Variants in ASAP1 observed in about 807,000 individuals in gnomAD.
The protein encoded by ASAP1 is ArfGAP with SH3 domain, ankyrin repeat and PH domain 1.
ASAP1 carries 43 observed loss-of-function variants against 145.2 expected under a neutral mutation model. The ratio of observed to expected loss-of-function variants is 0.30; its 90% CI spans 0.23 to 0.38. The LOEUF (loss-of-function observed/expected upper bound fraction) is 0.38, where lower values mean the gene tolerates loss of function less well. Among genes scored for constraint, ASAP1 ranks in the 10% least tolerant of loss-of-function variants. ASAP1 has a pLI of 1.00. For missense variants in ASAP1, 1,018 were observed against 1,355.3 expected, an observed-to-expected ratio of 0.75 and a Z score of 3.91; for synonymous variants, 546 against 515.5, an observed-to-expected ratio of 1.06 and a Z score of -0.80.
rs148433630 is a variant in ASAP1, at chr8:130,225,260, T to C, written c.260-10559A>G. 2.6e-3 allele frequency among the ~76,000 whole-genome samples: 389 copies of C among 152,330 alleles called. 1 individual carries two copies. Among genetic ancestry groups the C allele is most frequent in the African/African-American group, 8.9e-3 (371 of 41,582 alleles). On this transcript the variant is annotated intron_variant, in intron 4 of 29. Coordinates refer to ENST00000518721, the MANE Select transcript of ASAP1 (RefSeq NM_018482.4). ...GTGGTGTCCTTTGCCATGGAGAAAT[T>C]TAAAAATGTCATGTAGTCATATATA...
chr8:130,341,339 T>C (rs1363646753), intron 3 of ASAP1, among the ~76,000 whole-genome samples: 1 of 152,154 alleles, frequency 6.6e-6, no homozygotes, highest in African/African-American at 2.4e-5. Flanking sequence ...GTCTAAGCGC[T>C]TGAGTTGACT....
At chr8:130,359,275 C>T (rs1053096420) in intron 2 of ASAP1, among the ~76,000 whole-genome samples, 1 of 152,272 alleles carries the variant, frequency 6.6e-6, no homozygotes, top group East Asian at 1.9e-4. Flanking sequence ...GCCCGAGCTG[C>T]AAATGGTGTT....
chr8:130,320,132 ATTAC>A (rs1157473792), intron 3 of ASAP1, among the ~76,000 whole-genome samples: 1 of 152,258 alleles, frequency 6.6e-6, no homozygotes, highest in African/African-American at 2.4e-5. Context: ...AAAAAGGGAA[ATTAC>A]TTTCATAATC....
intron 4 of ASAP1, among the ~76,000 whole-genome samples, chr8:130,216,489 A>C (rs1816936833): frequency 6.6e-6 from 1 of 152,200 alleles, no homozygotes; most frequent in South Asian, 2.1e-4. Flanking sequence ...CACTGCCTTG[A>C]AACATGTTCT....
chr8:130,364,081 C>A (rs976813485), intron 2 of ASAP1, among the ~76,000 whole-genome samples: 1 of 152,276 alleles, frequency 6.6e-6, no homozygotes, highest in Non-Finnish European at 1.5e-5. Flanking sequence ...AAAGCCAATT[C>A]TAGTCCCAAA....
intron 3 of ASAP1, among the ~76,000 whole-genome samples, chr8:130,333,592 G>GAAA (rs1384866622): frequency 1.3e-5 from 2 of 152,192 alleles, no homozygotes; most frequent in Non-Finnish European, 2.9e-5. Context: ...CAACCAGAGT[G>GAAA]AAACTCCGTC....
intron 3 of ASAP1, among the ~76,000 whole-genome samples, chr8:130,303,650 G>T (rs1357004305): frequency 6.6e-6 from 1 of 152,092 alleles, no homozygotes; most frequent in Non-Finnish European, 1.5e-5. Flanking sequence ...ACTGCTAAGT[G>T]AAAAAAGTCA....
intron 9 of ASAP1, among the ~76,000 whole-genome samples, chr8:130,174,091 C>CAAAAA (rs57123447): frequency 4.8e-5 from 3 of 62,726 alleles, no homozygotes; most frequent in Non-Finnish European, 8.5e-5. Context: ...ACTCCGTCTC[C>CAAAAA]AAAAAAAAAA....
chr8:130,227,293 C>T (rs543982851), intron 4 of ASAP1, among the ~76,000 whole-genome samples: 3 of 152,114 alleles, frequency 2.0e-5, no homozygotes, highest in Non-Finnish European at 2.9e-5. Flanking sequence ...CACTCTGTTG[C>T]GCAGGTTGGA....
chr8:130,366,130 T>C (rs1463753404), intron 2 of ASAP1, among the ~76,000 whole-genome samples: 3 of 152,160 alleles, frequency 2.0e-5, no homozygotes, highest in African/African-American at 7.2e-5. Flanking sequence ...CCACTCCACC[T>C]TTCCCAGTTA....
chr8:130,267,671 C>A (rs1245084137), intron 3 of ASAP1, among the ~76,000 whole-genome samples: 2 of 151,964 alleles, frequency 1.3e-5, no homozygotes, highest in Non-Finnish European at 2.9e-5. Flanking sequence ...AACTCCTCTA[C>A]CCTATGCTTA....
chr8:130,184,112 G>C (rs1342133100), intron 7 of ASAP1, among the ~76,000 whole-genome samples: 3 of 152,120 alleles, frequency 2.0e-5, no homozygotes, highest in African/African-American at 7.2e-5. Flanking sequence ...ATGTCATTAA[G>C]AAAAAGTAAA....
intron 3 of ASAP1, among the ~76,000 whole-genome samples, chr8:130,321,521 T>C (rs1824004662): frequency 6.6e-6 from 1 of 152,124 alleles, no homozygotes; most frequent in Non-Finnish European, 1.5e-5. Context: ...TAGATGGAAA[T>C]CTCCAGCTTT....
chr8:130,167,997 A>C (rs1378882224), intron 10 of ASAP1, among the ~76,000 whole-genome samples: 1 of 152,242 alleles, frequency 6.6e-6, no homozygotes, highest in Non-Finnish European at 1.5e-5. Context: ...CCAGGAGTCT[A>C]ATGGGCCAAT....
Position 130,358,446 on chromosome 8 carries a change from C to A in ASAP1, c.60-303G>T, listed in dbSNP as rs1178245048. Among the ~76,000 whole-genome samples the A allele has an allele frequency of 6.7e-6, 1 of 148,322 alleles. No homozygotes were observed. Among genetic ancestry groups the A allele is most frequent in the Non-Finnish European group, 1.5e-5 (1 of 66,516 alleles). On this transcript the variant is annotated intron_variant, in intron 2 of 29. Coordinates refer to ENST00000518721, the MANE Select transcript of ASAP1 (RefSeq NM_018482.4). This position sits in a 1 kb window ranked among gnomAD's most constrained non-coding sequence, Gnocchi z 4.1. ...CATGCCGGCGGCGGCAGCTCCTCAG[C>A]GGCGGGGGAGGGGACGCGGCTGCGC...
intron 3 of ASAP1, among the ~76,000 whole-genome samples, chr8:130,251,129 T>A (rs1297682498): frequency 1.3e-5 from 2 of 152,182 alleles, no homozygotes; most frequent in Non-Finnish European, 1.5e-5. Flanking sequence ...CTAAATTTTT[T>A]AAAATGGGCC....
rs141192426 is a variant in ASAP1 at position 130,271,092 on chromosome 8, G to C, written c.187-34098C>G. On this transcript the variant is annotated intron_variant, in intron 3 of 29. Transcript: ENST00000518721. ...ACTGATCAGGAGAGCCTGCTGCCGG[G>C]CTGCTCTGATTTGGTCTCACTTGCC... 5.0e-3 allele frequency among the ~76,000 whole-genome samples: 768 copies of C among 152,322 alleles called. 2 individuals carry two copies. Among genetic ancestry groups the C allele is most frequent in the Non-Finnish European group, 7.2e-3 (487 of 68,014 alleles).
At chr8:130,072,831 G>GCGCGCGCGCGCGCGCA (rs58907739) in intron 27 of ASAP1, among the ~76,000 whole-genome samples, 7 of 110,704 alleles carry the variant, frequency 6.3e-5, no homozygotes, top group Non-Finnish European at 1.4e-4. Context: ...GTGTGCGCGC[G>GCGCGCGCGCGCGCGCA]GGGGGGGGCA....
chr8:130,096,173 G>C (rs376769113), intron 24 of ASAP1, among the ~76,000 whole-genome samples: 68 of 152,186 alleles, frequency 4.5e-4, no homozygotes, highest in African/African-American at 1.5e-3. Flanking sequence ...CTATATATAA[G>C]ACCCCAGAAA....
Sources: allele counts gnomAD v4.1 joint callset (sites outside exome capture counted in the v4.1 genomes callset), GRCh38; gene constraint gnomAD v4.1.1; non-coding constraint Gnocchi (gnomAD v3.1); transcripts MANE v1.5; gene names NCBI Gene and HGNC (gene_info 2026-07-23, HGNC 2026-07-21).